The following ATG9B variants were observed in gnomAD, a reference collection of about 807,000 sequenced individuals.
ATG9B encodes the protein autophagy related 9B, also known as autophagy-related protein 9B.
ATG9B carries 92 observed loss-of-function variants against 92.9 expected under a neutral mutation model. The observed-to-expected ratio is 0.99, with a 90% confidence interval of 0.84 to 1.18. The LOEUF is 1.18. ATG9B is among the 50% of genes most tolerant of loss of function. The pLI, the probability that ATG9B is intolerant of heterozygous loss-of-function variation, is 0.00. For missense variants in ATG9B, 1,344 were observed against 1,235.0 expected (o/e 1.09, Z -1.32); for synonymous variants, 599 against 551.4 (o/e 1.09, Z -1.21).
At chr7:151,013,365 C>A (rs1334051259), downstream of ATG9B, 5 of 1,613,254 alleles carry the variant, frequency 3.1e-6, no homozygotes, top group Non-Finnish European at 4.2e-6. Flanking sequence ...CTCCCGGGAA[C>A]CTGACAACCC....
intron 10 of ATG9B, 75 bp from the exon 11 acceptor site, chr7:151,016,602 C>A: frequency 6.5e-7 from 1 of 1,541,108 alleles, no homozygotes; most frequent in Non-Finnish European, 8.8e-7. Flanking sequence ...CCTTCTGAAT[C>A]CCCCCTCAGC....
rs1237821726 is a variant in ATG9B, at chr7:151,023,607, C to T, written c.594+80G>A. The T allele has an allele frequency of 1.6e-5, 25 of 1,609,098 alleles. No homozygotes were observed. The East Asian group carries it at 2.9e-4, about 19-fold the overall frequency. On this transcript the variant is annotated intron_variant, in intron 2 of 13. Coordinates refer to ENST00000639579, the MANE Select transcript of ATG9B (RefSeq NM_001317056.2). ...AAGTCTCCCACCCATGACGCCCTCA[C>T]GGAGTCTCCCTGCCAAGAACAGTGC...
Position 151,016,645 on chromosome 7 carries a change from A to AC in ATG9B, c.2423+42dup, listed in dbSNP as rs202233928. On this transcript the variant is annotated intron_variant, in intron 10 of 13. Transcript: ENST00000639579. Reference sequence around the variant, plus strand: ...CTCCCCACTCCTACAGGATCAGCCCACCCCCCTCCACATGCCCCTGCATCT... The same window carrying AC: ...CTCCCCACTCCTACAGGATCAGCCCACCCCCCCTCCACATGCCCCTGCATCT... The AC allele has an allele frequency of 1.2e-3, 1,884 of 1,510,556 alleles. 2 individuals are homozygous for AC. Among genetic ancestry groups the AC allele is most frequent in the African/African-American group, 6.2e-3 (430 of 69,478 alleles). 93.6% of individuals were successfully genotyped at this position (1,510,556 alleles called of 1,614,324 possible).
In ATG9B at chr7:151,023,834, G is replaced by A. The variant is rs377389055; in HGVS notation, c.550+40C>T. On this transcript the variant is annotated intron_variant, in intron 1 of 13. Transcript: ENST00000639579. ...CCTGGGATAAGTACTGGAGCTCCCAGGCACCACTAACCCTCTCCCACCCAC... is the reference window on the plus strand; with the variant it reads ...CCTGGGATAAGTACTGGAGCTCCCAAGCACCACTAACCCTCTCCCACCCAC... The A allele has an allele frequency of 3.1e-4, 492 of 1,610,078 alleles. 3 individuals are homozygous for A. In the African/African-American group the frequency reaches 5.8e-3, roughly 19 times the overall value.
At chr7:151,014,466 CCT>C (rs1180117313), downstream of ATG9B, 10 of 432,212 alleles carry the variant, frequency 2.3e-5, no homozygotes, top group African/African-American at 4.0e-5. Context: ...ATTCCTCTTG[CCT>C]CTCTCAGGAG....
chr7:151,013,681 G>GC, downstream of ATG9B: 1,539 of 1,199,354 alleles, frequency 1.3e-3, no homozygotes, highest in Middle Eastern at 1.7e-3. Context: ...GCGCCCCCGC[G>GC]CCCACCCCCA....
downstream of ATG9B, chr7:151,012,258 A>T: frequency 9.9e-7 from 1 of 1,011,334 alleles, no homozygotes; most frequent in Non-Finnish European, 1.3e-6. Context: ...AGATGGGAAG[A>T]ACTTGGGTCC....
intron 5 of ATG9B, 99 bp downstream of exon 5, chr7:151,021,089 T>C: frequency 7.0e-7 from 1 of 1,418,582 alleles, no homozygotes; most frequent in Non-Finnish European, 9.8e-7. Flanking sequence ...TCTGCCCTCT[T>C]TCCAGTTGGC....
intron 5 of ATG9B, 124 bp from the exon 6 acceptor site, chr7:151,019,498 A>G: frequency 7.7e-7 from 1 of 1,302,232 alleles, no homozygotes; most frequent in Non-Finnish European, 1.0e-6. Flanking sequence ...CAAACTCGCC[A>G]TGACCAAGCT....
chr7:151,024,309 A>AAGG lies in ATG9B; in HGVS notation c.112_114dup (p.Pro38dup), dbSNP rs762053841. ...CTCCCTCCCCCAGGTCCCCGGCATG[A>AAGG]AGGAGGAGGAGGAGGTGGCAGTGGC... On this transcript the variant is annotated inframe_insertion, in exon 1 of 14. Coordinates refer to ENST00000639579, the MANE Select transcript of ATG9B (RefSeq NM_001317056.2). The AAGG allele has an allele frequency of 2.8e-6, 4 of 1,429,586 alleles. No homozygotes were observed. Among genetic ancestry groups the AAGG allele is most frequent in the Non-Finnish European group, 2.8e-6 (3 of 1,087,636 alleles). 88.6% of individuals were successfully genotyped at this position (1,429,586 alleles called of 1,614,324 possible).
intron 3 of ATG9B, 33 bp downstream of exon 3, chr7:151,023,412 G>A (rs146848079): frequency 6.2e-6 from 10 of 1,610,922 alleles, no homozygotes; most frequent in South Asian, 1.1e-5. Flanking sequence ...GGGCCCAGGG[G>A]ACCGAGTTCC....
In ATG9B at chr7:151,015,917, G is replaced by A; in HGVS notation, c.2754C>T (p.Asp918=). The change falls in exon 13 of 14, where the codon GAC becomes GAT. Residue 918 remains aspartate (D), a synonymous_variant. Coordinates refer to ENST00000639579, the MANE Select transcript of ATG9B (RefSeq NM_001317056.2). ...QVTTDTQKEP[D]RASCTD Reference sequence around the variant, plus strand: ...CGTCTCAGTCAGTGCAAGAGGCCCGGTCAGGCTCCTTCTGGGTGTCTGTGG... The same window carrying A: ...CGTCTCAGTCAGTGCAAGAGGCCCGATCAGGCTCCTTCTGGGTGTCTGTGG... 2 of 1,551,692 alleles carry A rather than the reference G, an allele frequency of 1.3e-6. No individual in the cohort carries two copies. Among genetic ancestry groups the A allele is most frequent in the Non-Finnish European group, 1.7e-6 (2 of 1,146,982 alleles).
Position 151,018,902 on chromosome 7 carries a change from C to G in ATG9B, c.1436G>C (p.Arg479Pro). ...LRREPGALGA[R>P]GWSRLARLQL... ...CAAGCGCGCCAGGCGGGACCAGCCG[C>G]GCGCCCCCAGCGCGCCAGGCTCGCG... Residue 479 changes from arginine to proline, a missense_variant, in exon 6 of 14, where the codon CGC (arginine) becomes CCC (proline). Transcript: ENST00000639579. This position sits in a 1 kb window ranked among gnomAD's most constrained non-coding sequence, Gnocchi z 4.7. 6.8e-7 allele frequency: 1 copy of G among 1,473,002 alleles called. No individual in the cohort carries two copies. The highest frequency in any genetic ancestry group is 2.0e-4 in the Middle Eastern group (1 of 5,094). 91.2% of individuals were successfully genotyped at this position (1,473,002 alleles called of 1,614,324 possible). A position where few individuals can be genotyped will look rare whatever the true frequency, so the allele number is the denominator to read the frequency against.
downstream of ATG9B, chr7:151,013,274 C>T: frequency 6.2e-7 from 1 of 1,614,020 alleles, no homozygotes; most frequent in Non-Finnish European, 8.5e-7. Flanking sequence ...GCTGCCGATG[C>T]TCCCAACTTG....
Position 151,018,024 on chromosome 7 carries a change from G to T in ATG9B, c.1899C>A (p.Ser633=). 6.3e-7 allele frequency: 1 copy of T among 1,596,652 alleles called. No individual in the cohort carries two copies. Residue 633 remains serine, a synonymous_variant, in exon 8 of 14, where the codon TCC becomes TCA. Transcript: ENST00000639579. This position sits in a 1 kb window ranked among gnomAD's most constrained non-coding sequence, Gnocchi z 4.7. ...RAVSLLEELL[S]PLLTPLFLLF... Reference sequence around the variant, plus strand: ...GCAGAAACAGCGGGGTGAGGAGCGGGGACAGGAGCTCCTCCAGGAGGGAGA... The same window carrying T: ...GCAGAAACAGCGGGGTGAGGAGCGGTGACAGGAGCTCCTCCAGGAGGGAGA...
chr7:151,021,431 C>T, intron 4 of ATG9B, 102 bp from the exon 5 acceptor site: 1 of 1,434,580 alleles, frequency 7.0e-7, no homozygotes, highest in Non-Finnish European at 9.2e-7. Flanking sequence ...GGAGGGGGAT[C>T]TAGCTAGACC....
Position 151,016,187 on chromosome 7 carries a change from A to G in ATG9B, c.2569T>C (p.Ser857Pro). The G allele has an allele frequency of 6.6e-7, 1 of 1,525,942 alleles. No individual in the cohort carries two copies. Among genetic ancestry groups the G allele is most frequent in the Non-Finnish European group, 8.8e-7 (1 of 1,133,394 alleles). The allele number at this position is 1,525,942 out of a possible 1,614,324, so 94.5% of individuals were successfully genotyped here. ...CTGGAGCAGGGCCTGGACAGGATGG[A>G]GGCTGCAGCCTCACCCCACGGCTCC... ...QQEPWGEAAASILSRPCSSPS... is the reference protein window; with the variant it reads ...QQEPWGEAAAPILSRPCSSPS... Residue 857 changes from serine to proline, a missense_variant, in exon 12 of 14, where the codon TCC becomes CCC. By Grantham distance (74) the Ser-to-Pro change is moderately conservative. Transcript: ENST00000639579.
chr7:151,014,290 C>A, downstream of ATG9B: 3 of 1,038,002 alleles, frequency 2.9e-6, no homozygotes, highest in Non-Finnish European at 2.7e-6. Flanking sequence ...TGTCCAGAGG[C>A]TGCAAGGATT....
downstream of ATG9B, chr7:151,012,664 G>C (rs1795331652): frequency 3.4e-6 from 2 of 592,842 alleles, no homozygotes; most frequent in Admixed American, 3.0e-5. Flanking sequence ...TGGCTTCCTG[G>C]TGCCTGGTAC....
Sources: gnomAD v4.1 joint callset for allele counts on GRCh38, gnomAD v4.1.1 for gene constraint, Gnocchi (gnomAD v3.1) non-coding constraint, MANE v1.5 for transcripts, NCBI Gene and HGNC (gene_info 2026-07-23, HGNC 2026-07-21) for gene names.